SORCS2: variants seen among roughly 807,000 people sequenced by gnomAD.
SORCS2 encodes sortilin related VPS10 domain containing receptor 2.
Under a neutral mutation model 141.6 loss-of-function variants are expected in SORCS2, and 100 were observed. That is an observed-to-expected ratio of 0.71 (90% CI 0.60 to 0.83). SORCS2 has a LOEUF of 0.83. Ranked by LOEUF, SORCS2 falls within the 40% of genes least tolerant of loss-of-function variation. SORCS2 has a pLI of 0.00. For synonymous variants in SORCS2, 789 were observed against 676.9 expected (o/e 1.17, Z -2.57); for missense variants, 1,646 against 1,560.2 (o/e 1.05, Z -0.93).
intron 2 of SORCS2, among the ~76,000 whole-genome samples, chr4:7,404,966 T>G (rs1485366613): frequency 6.6e-6 from 1 of 152,192 alleles, no homozygotes; most frequent in African/African-American, 2.4e-5. Context: ...TAGGTTTTCT[T>G]CTAGCATTTT....
At chr4:7,225,490 C>G (rs1485408247) in intron 1 of SORCS2, among the ~76,000 whole-genome samples, 1 of 152,262 alleles carries the variant, frequency 6.6e-6, no homozygotes, top group East Asian at 1.9e-4. Context: ...CTTCTCCTCT[C>G]TCTGTTGTTC....
chr4:7,373,044 T>G (rs2109048331), intron 1 of SORCS2, among the ~76,000 whole-genome samples: 1 of 150,936 alleles, frequency 6.6e-6, no homozygotes, highest in South Asian at 2.1e-4. Flanking sequence ...CATAAAGTGC[T>G]CTGAATGTTT....
Position 7,538,539 on chromosome 4 carries a change from A to C in SORCS2, c.648+6910A>C, listed in dbSNP as rs138909380. 3.2e-3 allele frequency among the ~76,000 whole-genome samples: 494 copies of C among 152,288 alleles called. 3 individuals are homozygous for C. Among genetic ancestry groups the C allele is most frequent in the African/African-American group, 0.011 (470 of 41,524 alleles). On this transcript the variant is annotated intron_variant, in intron 3 of 26. Transcript: ENST00000507866. ...TGTTTTATATGAAAAATTTATGTGAATGGGCATCTTACTCCATTATATATC... is the reference window on the plus strand; with the variant it reads ...TGTTTTATATGAAAAATTTATGTGACTGGGCATCTTACTCCATTATATATC...
In SORCS2 at chr4:7,741,390, A is replaced by G. The variant is rs1466294684; in HGVS notation, c.*1126A>G. 1 of 196,960 alleles carries G rather than the reference A, an allele frequency of 5.1e-6. No individual in the cohort carries two copies. The highest frequency in any genetic ancestry group is 9.7e-6 in the Non-Finnish European group (1 of 103,378). The allele number at this position is 196,960 out of a possible 1,614,324, so 12.2% of individuals were successfully genotyped here. A position where few individuals can be genotyped will look rare whatever the true frequency, so the allele number is the denominator to read the frequency against. ...TGCGCGCCAGTGCTGTGCGGTCTCC[A>G]CACCCTTACGGTTTCCTAGAATCAG... On this transcript the variant is annotated 3_prime_UTR_variant, in exon 27 of 27. Coordinates refer to ENST00000507866, the MANE Select transcript of SORCS2 (RefSeq NM_020777.3).
At position 7,193,618 on chromosome 4, in the gene SORCS2, G is replaced by A. The variant is rs1726992412; in HGVS notation, c.480+492G>A. On this transcript the variant is annotated intron_variant, in intron 1 of 26. Transcript: ENST00000507866. This position sits in a 1 kb window ranked among gnomAD's most constrained non-coding sequence, Gnocchi z 4.8. ...GCTCCGGGACTTCCCCGGTCAGCTCGAATCCTGTTCTGGGACTCTGGGATT... is the reference window on the plus strand; with the variant it reads ...GCTCCGGGACTTCCCCGGTCAGCTCAAATCCTGTTCTGGGACTCTGGGATT... Among the ~76,000 whole-genome samples the A allele has an allele frequency of 6.6e-6, 1 of 152,160 alleles. No homozygotes were observed. The highest frequency in any genetic ancestry group is 2.4e-5 in the African/African-American group (1 of 41,448).
intron 1 of SORCS2, among the ~76,000 whole-genome samples, chr4:7,236,025 G>C (rs1246859971): frequency 3.3e-5 from 5 of 152,224 alleles, no homozygotes; most frequent in African/African-American, 1.2e-4. Flanking sequence ...ATCCCTGCCT[G>C]CTGGCATTCT....
chr4:7,194,462 T>C (rs1014775691), intron 1 of SORCS2, among the ~76,000 whole-genome samples: 3 of 152,136 alleles, frequency 2.0e-5, no homozygotes, highest in Non-Finnish European at 4.4e-5. Context: ...ATGAATTTAG[T>C]CGGCCTAGAG....
chr4:7,360,822 C>A (rs187209107), intron 1 of SORCS2, among the ~76,000 whole-genome samples: 1 of 151,716 alleles, frequency 6.6e-6, no homozygotes, highest in African/African-American at 2.4e-5. Context: ...TGAGCTCAAG[C>A]GATGCTCCTG....
intron 1 of SORCS2, among the ~76,000 whole-genome samples, chr4:7,385,115 C>G (rs1023400088): frequency 2.6e-5 from 4 of 152,116 alleles, no homozygotes; most frequent in East Asian, 1.9e-4. Flanking sequence ...ATGGGTAGGA[C>G]TGAGCCAAAG....
At chr4:7,434,402 C>G (rs1560282094) in intron 2 of SORCS2, 1 of 1,607,926 alleles carries the variant, frequency 6.2e-7, no homozygotes, top group African/African-American at 1.3e-5. Context: ...GCCACAGCCT[C>G]AAAGGTGTCC....
At chr4:7,672,031 C>A (rs1722831373) in intron 8 of SORCS2, among the ~76,000 whole-genome samples, 1 of 151,410 alleles carries the variant, frequency 6.6e-6, no homozygotes, top group Non-Finnish European at 1.5e-5. Flanking sequence ...GCAACCTCCA[C>A]CTCCTGGGTT....
At chr4:7,490,819 G>A (rs949396270) in intron 2 of SORCS2, among the ~76,000 whole-genome samples, 2 of 152,190 alleles carry the variant, frequency 1.3e-5, no homozygotes, top group East Asian at 1.9e-4. Context: ...GGGTGTCCCC[G>A]CTGCACTCCT....
At chr4:7,376,539 T>A (rs894941560) in intron 1 of SORCS2, among the ~76,000 whole-genome samples, 1 of 152,150 alleles carries the variant, frequency 6.6e-6, no homozygotes, top group Non-Finnish European at 1.5e-5. Context: ...ATTGCGCCAC[T>A]TTACTCCAGC....
chr4:7,332,901 G>C (rs1296552523), intron 1 of SORCS2, among the ~76,000 whole-genome samples: 1 of 152,258 alleles, frequency 6.6e-6, no homozygotes, highest in Admixed American at 6.5e-5. Context: ...CCTTTTACCA[G>C]ATGTGGCCTT....
At chr4:7,277,332 G>C (rs1169797753) in intron 1 of SORCS2, among the ~76,000 whole-genome samples, 1 of 152,206 alleles carries the variant, frequency 6.6e-6, no homozygotes, top group Non-Finnish European at 1.5e-5. Context: ...CCTATCCCCA[G>C]CTCGCTGAGC....
In SORCS2 at chr4:7,205,654, G is replaced by A. The variant is rs77909255; in HGVS notation, c.480+12528G>A. ...ATGGAGGAAATGCCTAATTTCAGCTGGGGCTGGTTGAAAACAAAGAGGCCA... is the reference window on the plus strand; with the variant it reads ...ATGGAGGAAATGCCTAATTTCAGCTAGGGCTGGTTGAAAACAAAGAGGCCA... On this transcript the variant is annotated intron_variant, in intron 1 of 26. Coordinates refer to ENST00000507866, the MANE Select transcript of SORCS2 (RefSeq NM_020777.3). 3.9e-5 allele frequency among the ~76,000 whole-genome samples: 6 copies of A among 152,234 alleles called. No homozygotes were observed. In the East Asian group the frequency reaches 9.6e-4, roughly 24 times the overall value.
chr4:7,517,367 T>C (rs1483997534), intron 2 of SORCS2, among the ~76,000 whole-genome samples: 1 of 152,204 alleles, frequency 6.6e-6, no homozygotes, highest in African/African-American at 2.4e-5. Context: ...AATGAATTTT[T>C]GTATCTTATA....
Position 7,740,186 on chromosome 4 carries a change from C to G in SORCS2, c.3416-14C>G. Reference sequence around the variant, plus strand: ...GCTTGTGCTCACGGGACCTGCGTCTCTTCTGTTTCCTAGGCAACCACTCAG... The same window carrying G: ...GCTTGTGCTCACGGGACCTGCGTCTGTTCTGTTTCCTAGGCAACCACTCAG... On this transcript the variant is annotated splice_polypyrimidine_tract_variant and intron_variant, in intron 26 of 26. Coordinates refer to ENST00000507866, the MANE Select transcript of SORCS2 (RefSeq NM_020777.3). 1.9e-6 allele frequency: 3 copies of G among 1,604,512 alleles called. No individual in the cohort carries two copies. The highest frequency in any genetic ancestry group is 1.7e-6 in the Non-Finnish European group (2 of 1,177,972).
chr4:7,278,722 G>C (rs1024651538), intron 1 of SORCS2, among the ~76,000 whole-genome samples: 1 of 152,226 alleles, frequency 6.6e-6, no homozygotes, highest in Non-Finnish European at 1.5e-5. Context: ...ATCCAGCACA[G>C]AGAGCAGCCT....
Sources: allele counts gnomAD v4.1 joint callset (sites outside exome capture counted in the v4.1 genomes callset), GRCh38; gene constraint gnomAD v4.1.1; non-coding constraint Gnocchi (gnomAD v3.1); transcripts MANE v1.5; gene names NCBI Gene and HGNC (gene_info 2026-07-23, HGNC 2026-07-21).